The following LHFPL3 variants were observed in gnomAD, a reference collection of about 807,000 sequenced individuals.
The protein encoded by LHFPL3 is LHFPL tetraspan subfamily member 3.
A neutral mutation model predicts 19.3 loss-of-function variants in LHFPL3; 5 were observed. That is an observed-to-expected ratio of 0.26 (90% CI 0.14 to 0.54). The LOEUF is 0.54. LHFPL3 is among the 20% of genes least tolerant of loss of function. The pLI is 0.94. For synonymous variants in LHFPL3, 133 were observed against 126.2 expected (o/e 1.05, Z -0.36); for missense variants, 249 against 307.4 (o/e 0.81, Z 1.42).
At chr7:104,378,063 G>T (rs1021364017) in intron 1 of LHFPL3, among the ~76,000 whole-genome samples, 1 of 152,070 alleles carries the variant, frequency 6.6e-6, no homozygotes, top group African/African-American at 2.4e-5. Flanking sequence ...ACAAGAAAAG[G>T]CATCCAGTTC....
chr7:104,604,927 A>T (rs777041634), intron 1 of LHFPL3, among the ~76,000 whole-genome samples: 1 of 152,186 alleles, frequency 6.6e-6, no homozygotes, highest in Non-Finnish European at 1.5e-5. Flanking sequence ...AATTGTTTCA[A>T]AATGGTCACA....
At chr7:104,821,347 G>C (rs899936700) in intron 2 of LHFPL3, among the ~76,000 whole-genome samples, 3 of 152,216 alleles carry the variant, frequency 2.0e-5, no homozygotes, top group African/African-American at 7.2e-5. Context: ...GTCTGCCTCT[G>C]CTGAGGAGAG....
At chr7:104,607,541 C>T (rs191421349) in intron 1 of LHFPL3, among the ~76,000 whole-genome samples, 1 of 152,254 alleles carries the variant, frequency 6.6e-6, no homozygotes, top group African/African-American at 2.4e-5. Flanking sequence ...TGAGTAAGTC[C>T]AGGAAGACCG....
intron 1 of LHFPL3, among the ~76,000 whole-genome samples, chr7:104,678,907 A>T (rs774009468): frequency 6.6e-6 from 1 of 152,250 alleles, no homozygotes; most frequent in African/African-American, 2.4e-5. Context: ...AAATGAAATT[A>T]AAATCTAAAT....
intron 1 of LHFPL3, among the ~76,000 whole-genome samples, chr7:104,523,658 A>G (rs1794125463): frequency 6.6e-6 from 1 of 152,338 alleles, no homozygotes; most frequent in South Asian, 2.1e-4. Context: ...TACATGATGC[A>G]TGCACATGCC....
At chr7:104,401,814 C>T (rs758133658) in intron 1 of LHFPL3, among the ~76,000 whole-genome samples, 23 of 152,018 alleles carry the variant, frequency 1.5e-4, no homozygotes, top group Non-Finnish European at 2.9e-4. Flanking sequence ...GATGTTTGAG[C>T]GGCTCAGCCG....
At chr7:104,394,810 C>T (rs760462347) in intron 1 of LHFPL3, among the ~76,000 whole-genome samples, 1 of 151,960 alleles carries the variant, frequency 6.6e-6, no homozygotes, top group Non-Finnish European at 1.5e-5. Context: ...AAGCGATTCT[C>T]CTGCCTCAGC....
At chr7:104,549,331 A>G (rs1025269850) in intron 1 of LHFPL3, among the ~76,000 whole-genome samples, 2 of 152,034 alleles carry the variant, frequency 1.3e-5, no homozygotes, top group African/African-American at 4.8e-5. Flanking sequence ...AGTGTTACGC[A>G]CATGGTAAAT....
At chr7:104,708,841 T>A (rs1443789230) in intron 1 of LHFPL3, among the ~76,000 whole-genome samples, 1 of 152,210 alleles carries the variant, frequency 6.6e-6, no homozygotes, top group Non-Finnish European at 1.5e-5. Flanking sequence ...ATTACAGCAG[T>A]TACACTGGAT....
intron 1 of LHFPL3, among the ~76,000 whole-genome samples, chr7:104,630,658 A>C (rs1387385534): frequency 6.6e-6 from 1 of 152,258 alleles, no homozygotes; most frequent in East Asian, 1.9e-4. Flanking sequence ...GATCTTTACA[A>C]GCTGGAACCA....
At chr7:104,465,936 A>G (rs1056097525) in intron 1 of LHFPL3, among the ~76,000 whole-genome samples, 1 of 152,158 alleles carries the variant, frequency 6.6e-6, no homozygotes, top group Admixed American at 6.5e-5. Context: ...ATCTGAGGGT[A>G]TGTTTGGTAT....
At chr7:104,652,066 C>T (rs1400636546) in intron 1 of LHFPL3, among the ~76,000 whole-genome samples, 2 of 152,118 alleles carry the variant, frequency 1.3e-5, no homozygotes, top group African/African-American at 4.8e-5. Flanking sequence ...AGCTTGGCAA[C>T]TAGGTGAATG....
chr7:104,824,153 A>AT (rs1790733924), intron 2 of LHFPL3, among the ~76,000 whole-genome samples: 1 of 7,008 alleles, frequency 1.4e-4, no homozygotes, highest in African/African-American at 3.8e-4. Context: ...TGTTTCAAAA[A>AT]AAATATATAT....
intron 1 of LHFPL3, among the ~76,000 whole-genome samples, chr7:104,439,079 T>C (rs1406133045): frequency 1.3e-5 from 2 of 152,194 alleles, no homozygotes; most frequent in Non-Finnish European, 2.9e-5. Flanking sequence ...CCATCAACAG[T>C]ATTAAATTTA....
chr7:104,430,430 A>G lies in LHFPL3; in HGVS notation c.445+101206A>G, dbSNP rs1297836098. On this transcript the variant is annotated intron_variant, in intron 1 of 2. Coordinates refer to ENST00000424859, the MANE Select transcript of LHFPL3 (RefSeq NM_199000.3). Reference sequence around the variant, plus strand: ...CATATATATATATACATATATATATATATATATATATATATATATATATAT... The same window carrying G: ...CATATATATATATACATATATATATGTATATATATATATATATATATATAT... 1.9e-3 allele frequency among the ~76,000 whole-genome samples: 20 copies of G among 10,602 alleles called. No individual in the cohort carries two copies. In the East Asian group the frequency reaches 0.02, roughly 11 times the overall value. The allele number at this position is 10,602 out of a possible 152,430, so 7.0% of individuals were successfully genotyped here.
At chr7:104,443,458 C>T (rs1303296422) in intron 1 of LHFPL3, among the ~76,000 whole-genome samples, 1 of 152,092 alleles carries the variant, frequency 6.6e-6, no homozygotes, top group African/African-American at 2.4e-5. Context: ...TTGGTATGAC[C>T]CCCTCCCCAC....
At chr7:104,597,774 A>T (rs1790891796) in intron 1 of LHFPL3, among the ~76,000 whole-genome samples, 1 of 152,182 alleles carries the variant, frequency 6.6e-6, no homozygotes, top group Non-Finnish European at 1.5e-5. Context: ...TATGTGAGGG[A>T]ACTTCAAAAA....
chr7:104,420,471 T>A (rs767073545), intron 1 of LHFPL3, among the ~76,000 whole-genome samples: 43 of 151,976 alleles, frequency 2.8e-4, no homozygotes, highest in Non-Finnish European at 4.7e-4. Flanking sequence ...TTAAATTCTG[T>A]ATAATGACAG....
chr7:104,701,329 A>T (rs146328444), intron 1 of LHFPL3, among the ~76,000 whole-genome samples: 1 of 152,284 alleles, frequency 6.6e-6, no homozygotes, highest in East Asian at 1.9e-4. Flanking sequence ...CTCCCCACGC[A>T]GTCAAAAATC....
Sources: gnomAD v4.1 joint callset for allele counts (sites outside exome capture counted in the v4.1 genomes callset) on GRCh38, gnomAD v4.1.1 for gene constraint, MANE v1.5 for transcripts, NCBI Gene and HGNC (gene_info 2026-07-23, HGNC 2026-07-21) for gene names.